SDK1: variants seen among roughly 807,000 people sequenced by gnomAD.
SDK1 encodes the protein protein sidekick-1.
SDK1 carries 157 observed loss-of-function variants against 245.5 expected under a neutral mutation model. The observed-to-expected ratio is 0.64, with a 90% CI of 0.56 to 0.73. The LOEUF is 0.73. SDK1 is among the 30% of genes least tolerant of loss of function. SDK1 has a pLI of 0.00. For synonymous variants in SDK1, 1,647 were observed against 1,278.5 expected, an observed-to-expected ratio of 1.29 and a Z score of -6.15; for missense variants, 3,583 against 3,002.3, an observed-to-expected ratio of 1.19 and a Z score of -4.52.
rs1272208821 is a variant in SDK1 at position 3,580,990 on chromosome 7, AAAAACCAAAAC to A, written c.299-38083_299-38073del. Among the ~76,000 whole-genome samples, 41 of 138,142 alleles carry A rather than the reference AAAAACCAAAAC, an allele frequency of 3.0e-4. 4 individuals carry two copies. Among genetic ancestry groups the A allele is most frequent in the African/African-American group, 8.4e-4 (31 of 36,952 alleles). The allele number at this position is 138,142 out of a possible 152,430, so 90.6% of individuals were successfully genotyped here. ...TCTCAAAAAAAAAAAAAAAAAAAAAAAAAACCAAAACAAAACCCTGGAAGACAATCTATGCA... is the reference window on the plus strand; with the variant it reads ...TCTCAAAAAAAAAAAAAAAAAAAAAAAAAACCCTGGAAGACAATCTATGCA... On this transcript the variant is annotated intron_variant, in intron 1 of 44. Coordinates refer to ENST00000404826, the MANE Select transcript of SDK1 (RefSeq NM_152744.4).
At chr7:3,395,322 AAG>A (rs760599581) in intron 1 of SDK1, among the ~76,000 whole-genome samples, 1 of 151,944 alleles carries the variant, frequency 6.6e-6, no homozygotes, top group Non-Finnish European at 1.5e-5. Context: ...GTAATTAAAA[AAG>A]ATGGCTTATC....
chr7:3,475,550 T>C (rs1181068562), intron 1 of SDK1, among the ~76,000 whole-genome samples: 1 of 152,222 alleles, frequency 6.6e-6, no homozygotes, highest in East Asian at 1.9e-4. Context: ...TCTTTTCTAA[T>C]TGTGAAGTTT....
chr7:3,750,815 A>C (rs1779752925), intron 4 of SDK1, among the ~76,000 whole-genome samples: 1 of 152,230 alleles, frequency 6.6e-6, no homozygotes, highest in South Asian at 2.1e-4. Flanking sequence ...GACAAATAGG[A>C]TACGACAATC....
chr7:4,137,143 C>G (rs1320616739), intron 28 of SDK1, among the ~76,000 whole-genome samples: 1 of 152,214 alleles, frequency 6.6e-6, no homozygotes, highest in African/African-American at 2.4e-5. Context: ...TAAAGGTTTG[C>G]AACTAGCTGG....
intron 1 of SDK1, among the ~76,000 whole-genome samples, chr7:3,567,912 A>G (rs1439427786): frequency 6.6e-6 from 1 of 152,184 alleles, no homozygotes; most frequent in Non-Finnish European, 1.5e-5. Flanking sequence ...CGTGGGCCCA[A>G]GTGGGCTGAT....
At chr7:3,734,082 C>G (rs1048410877) in intron 4 of SDK1, among the ~76,000 whole-genome samples, 3 of 152,212 alleles carry the variant, frequency 2.0e-5, no homozygotes, top group African/African-American at 7.2e-5. Flanking sequence ...TGCCCAGGCT[C>G]CCCGTGAGAT....
chr7:4,202,969 G>A (rs879926262), intron 35 of SDK1, among the ~76,000 whole-genome samples: 36 of 152,306 alleles, frequency 2.4e-4, no homozygotes, highest in Non-Finnish European at 4.4e-4. Context: ...CTAAGTCAGG[G>A]CAGCCACTGT....
At chr7:3,499,283 G>C (rs1299515039) in intron 1 of SDK1, among the ~76,000 whole-genome samples, 1 of 152,082 alleles carries the variant, frequency 6.6e-6, no homozygotes, top group Non-Finnish European at 1.5e-5. Context: ...TGCTTACAAT[G>C]CCTTCTCAGG....
intron 1 of SDK1, among the ~76,000 whole-genome samples, chr7:3,565,376 G>A (rs1779878777): frequency 6.6e-6 from 1 of 152,124 alleles, no homozygotes; most frequent in Non-Finnish European, 1.5e-5. Flanking sequence ...GCACTATAAA[G>A]TATGTACCAC....
At chr7:3,629,381 C>T (rs1244572352) in intron 2 of SDK1, among the ~76,000 whole-genome samples, 1 of 152,042 alleles carries the variant, frequency 6.6e-6, no homozygotes, top group African/African-American at 2.4e-5. Context: ...GAGGGTCCCC[C>T]TTTAATATTT....
At chr7:3,761,684 C>G (rs1448793126) in intron 4 of SDK1, among the ~76,000 whole-genome samples, 1 of 151,612 alleles carries the variant, frequency 6.6e-6, no homozygotes, top group Non-Finnish European at 1.5e-5. Context: ...AGGAATGACT[C>G]AGGAGTTTTG....
intron 40 of SDK1, among the ~76,000 whole-genome samples, chr7:4,230,218 G>C (rs1204394154): frequency 6.6e-6 from 1 of 150,784 alleles, no homozygotes; most frequent in Non-Finnish European, 1.5e-5. Context: ...TAGATGTGTG[G>C]ATGGATGGAC....
intron 4 of SDK1, among the ~76,000 whole-genome samples, chr7:3,771,872 T>G (rs1780414153): frequency 6.6e-6 from 1 of 152,228 alleles, no homozygotes; most frequent in African/African-American, 2.4e-5. Context: ...TCTTTTCATC[T>G]TGCAGAACTG....
chr7:4,151,834 A>G (rs1395740887), intron 30 of SDK1, among the ~76,000 whole-genome samples: 1 of 152,182 alleles, frequency 6.6e-6, no homozygotes, highest in Non-Finnish European at 1.5e-5. Context: ...AGGTGCCTTG[A>G]CGTCTCTAAA....
intron 19 of SDK1, among the ~76,000 whole-genome samples, chr7:4,066,212 G>T (rs553344698): frequency 2.0e-5 from 3 of 151,946 alleles, no homozygotes; most frequent in Non-Finnish European, 4.4e-5. Flanking sequence ...TGGCTTTGTC[G>T]CTATGTTTCT....
At position 4,067,487 on chromosome 7, in the gene SDK1, A is replaced by G. The variant is rs116947005; in HGVS notation, c.2912-351A>G. Among the ~76,000 whole-genome samples, 1,430 of 152,300 alleles carry G rather than the reference A, an allele frequency of 9.4e-3. 21 individuals carry two copies. The highest frequency in any genetic ancestry group is 0.029 in the South Asian group (140 of 4,830). On this transcript the variant is annotated intron_variant, in intron 19 of 44. Coordinates refer to ENST00000404826, the MANE Select transcript of SDK1 (RefSeq NM_152744.4). ...AGCCAGACACGGGGTTGCATACACC[A>G]TGGAGGAACACTCAGAGGAGGCAGT...
intron 1 of SDK1, among the ~76,000 whole-genome samples, chr7:3,356,508 C>G (rs1780799484): frequency 6.6e-6 from 1 of 152,092 alleles, no homozygotes; most frequent in Non-Finnish European, 1.5e-5. Flanking sequence ...CTAAGACCTC[C>G]TCCTTTATTT....
At chr7:3,483,484 G>A (rs553013997) in intron 1 of SDK1, among the ~76,000 whole-genome samples, 1 of 152,214 alleles carries the variant, frequency 6.6e-6, no homozygotes, top group African/African-American at 2.4e-5. Flanking sequence ...TTTTCTAGGT[G>A]AATAATCATA....
intron 17 of SDK1, among the ~76,000 whole-genome samples, chr7:4,031,793 G>T (rs569559396): frequency 6.6e-6 from 1 of 152,142 alleles, no homozygotes; most frequent in African/African-American, 2.4e-5. Context: ...TTGGGAGGCC[G>T]AGGTGGGTGG....
Sources: allele counts gnomAD v4.1 joint callset (sites outside exome capture counted in the v4.1 genomes callset), GRCh38; gene constraint gnomAD v4.1.1; transcripts MANE v1.5; gene names NCBI Gene and HGNC (gene_info 2026-07-23, HGNC 2026-07-21).